The following SLC41A2 variants were observed in gnomAD, a reference collection of about 807,000 sequenced individuals.
SLC41A2 encodes the protein SLC41A1-like 1.
A neutral mutation model predicts 58.3 loss-of-function variants in SLC41A2; 32 were observed. That is an observed-to-expected ratio of 0.55 (90% CI 0.41 to 0.74). The LOEUF is 0.74. Among genes scored for constraint, SLC41A2 ranks in the 30% least tolerant of loss-of-function variants. The pLI is 0.00. For synonymous variants in SLC41A2, 190 were observed against 235.0 expected (o/e 0.81, Z 1.75); for missense variants, 514 against 680.6 (o/e 0.76, Z 2.72).
chr12:104,859,793 C>T (rs1027106089), intron 8 of SLC41A2, among the ~76,000 whole-genome samples: 8 of 151,882 alleles, frequency 5.3e-5, no homozygotes, highest in African/African-American at 1.7e-4. Context: ...AGTGCAGTAG[C>T]GTGATCTTGG....
intron 1 of SLC41A2, among the ~76,000 whole-genome samples, chr12:104,936,867 T>C (rs1470851689): frequency 6.6e-6 from 1 of 152,216 alleles, no homozygotes; most frequent in Non-Finnish European, 1.5e-5. Flanking sequence ...AGGAAAATAT[T>C]TTGTGCAGCT....
At chr12:104,861,447 C>T in intron 7 of SLC41A2, 77 bp from the exon 8 acceptor site, 2 of 754,158 alleles carry the variant, frequency 2.7e-6, no homozygotes, top group Non-Finnish European at 4.1e-6. Context: ...ATACAGACAC[C>T]CCTCCTTTTT....
intron 10 of SLC41A2, among the ~76,000 whole-genome samples, chr12:104,806,347 G>C (rs2040901993): frequency 6.6e-6 from 1 of 152,030 alleles, no homozygotes; most frequent in African/African-American, 2.4e-5. Flanking sequence ...AGTTTGCTGA[G>C]AATGATGGTT....
intron 7 of SLC41A2, among the ~76,000 whole-genome samples, chr12:104,862,471 TATAAC>T (rs1443763736): frequency 1.3e-5 from 2 of 152,150 alleles, no homozygotes; most frequent in Non-Finnish European, 1.5e-5. Flanking sequence ...ATGTTGTGGA[TATAAC>T]ATAACAATTG....
intron 10 of SLC41A2, among the ~76,000 whole-genome samples, chr12:104,820,359 A>C (rs1030603449): frequency 6.6e-6 from 1 of 152,226 alleles, no homozygotes; most frequent in African/African-American, 2.4e-5. Context: ...GCTACTCAGG[A>C]GGCTGAGGCA....
chr12:104,848,189 A>G (rs1012829076), intron 8 of SLC41A2, among the ~76,000 whole-genome samples: 11 of 152,222 alleles, frequency 7.2e-5, no homozygotes, highest in African/African-American at 2.7e-4. Flanking sequence ...ATTCCCCCAA[A>G]TATCTGGAAA....
chr12:104,910,291 T>A (rs2046025764), intron 2 of SLC41A2, among the ~76,000 whole-genome samples: 1 of 152,148 alleles, frequency 6.6e-6, no homozygotes, highest in South Asian at 2.1e-4. Context: ...AATCCCATGT[T>A]TTAATCCCCA....
At chr12:104,914,137 G>A (rs1035533875) in intron 2 of SLC41A2, among the ~76,000 whole-genome samples, 5 of 152,094 alleles carry the variant, frequency 3.3e-5, no homozygotes, top group East Asian at 3.9e-4. Flanking sequence ...TTCACGGCAC[G>A]CTTAGTATCT....
chr12:104,946,329 A>C (rs2047717430), intron 1 of SLC41A2, among the ~76,000 whole-genome samples: 1 of 152,156 alleles, frequency 6.6e-6, no homozygotes, highest in East Asian at 1.9e-4. Context: ...GATGGAGTGC[A>C]GGGTGTGATC....
At chr12:104,847,089 AATAATT>A (rs1247103436) in intron 8 of SLC41A2, among the ~76,000 whole-genome samples, 1 of 152,172 alleles carries the variant, frequency 6.6e-6, no homozygotes, top group African/African-American at 2.4e-5. Flanking sequence ...AGGAATTTAA[AATAATT>A]ATAATTAATA....
chr12:104,847,209 A>C (rs1296841010), intron 8 of SLC41A2, among the ~76,000 whole-genome samples: 1 of 152,180 alleles, frequency 6.6e-6, no homozygotes, highest in African/African-American at 2.4e-5. Context: ...ACACTAAGGA[A>C]AAGAACGTAA....
At chr12:104,888,973 TAAG>T in intron 5 of SLC41A2, 57 bp downstream of exon 5, 1 of 1,439,458 alleles carries the variant, frequency 6.9e-7, no homozygotes. Flanking sequence ...ATAGTCATCT[TAAG>T]AAATAAACCA....
intron 8 of SLC41A2, among the ~76,000 whole-genome samples, chr12:104,853,925 T>TTTTTTTTTA (rs2042915405): frequency 7.3e-6 from 1 of 136,880 alleles, no homozygotes; most frequent in African/African-American, 2.7e-5. Flanking sequence ...TTTTTTTTTT[T>TTTTTTTTTA]TTTTTTTTTT....
intron 2 of SLC41A2, among the ~76,000 whole-genome samples, chr12:104,924,401 TTCCATC>T (rs2046742733): frequency 6.6e-6 from 1 of 152,212 alleles, no homozygotes; most frequent in Admixed American, 6.5e-5. Flanking sequence ...GACCTGGAAA[TTCCATC>T]TCTACATATA....
At chr12:104,945,671 G>A (rs2047691902) in intron 1 of SLC41A2, among the ~76,000 whole-genome samples, 1 of 152,084 alleles carries the variant, frequency 6.6e-6, no homozygotes, top group Non-Finnish European at 1.5e-5. Context: ...TTTGCATCCT[G>A]CTTTTTTCCA....
intron 8 of SLC41A2, among the ~76,000 whole-genome samples, chr12:104,847,924 G>A (rs2042666665): frequency 6.6e-6 from 1 of 152,144 alleles, no homozygotes; most frequent in Admixed American, 6.5e-5. Context: ...ATGATGTTAA[G>A]GGAGGACTTA....
chr12:104,947,497 G>A (rs567167197), intron 1 of SLC41A2, among the ~76,000 whole-genome samples: 2 of 151,680 alleles, frequency 1.3e-5, no homozygotes, highest in Non-Finnish European at 2.9e-5. Context: ...ACCATGCCTG[G>A]CCATTGGCTT....
At chr12:104,842,845 C>T (rs748554834) in intron 10 of SLC41A2, among the ~76,000 whole-genome samples, 1 of 152,012 alleles carries the variant, frequency 6.6e-6, no homozygotes, top group Non-Finnish European at 1.5e-5. Flanking sequence ...TGGCACAGAA[C>T]CATAAACATA....
rs1592980561 is a variant in SLC41A2 at position 104,844,349 on chromosome 12, A to G, written c.1536+123T>C. The G allele has an allele frequency of 2.3e-5, 13 of 557,334 alleles. No homozygotes were observed. In the East Asian group the frequency reaches 4.2e-4, roughly 18 times the overall value. The allele number at this position is 557,334 out of a possible 1,614,324, so 34.5% of individuals were successfully genotyped here. A position where few individuals can be genotyped will look rare whatever the true frequency, so the allele number is the denominator to read the frequency against. Reference sequence around the variant, plus strand: ...TTATTGGTTTTAAGAAGATCAAATCAATATGAAGATGTTCAGTTGATTTTT... The same window carrying G: ...TTATTGGTTTTAAGAAGATCAAATCGATATGAAGATGTTCAGTTGATTTTT... On this transcript the variant is annotated intron_variant, in intron 10 of 10. Transcript: ENST00000258538.
Sources: gnomAD v4.1 joint callset for allele counts (sites outside exome capture counted in the v4.1 genomes callset) on GRCh38, gnomAD v4.1.1 for gene constraint, MANE v1.5 for transcripts, NCBI Gene and HGNC (gene_info 2026-07-23, HGNC 2026-07-21) for gene names.